The following ZBTB18 variants were observed in gnomAD, a reference collection of about 807,000 sequenced individuals.
ZBTB18 encodes the protein zinc finger and BTB domain-containing protein 18.
A neutral mutation model predicts 37.7 loss-of-function variants in ZBTB18; 2 were observed. That is an observed-to-expected ratio of 0.05 (90% CI 0.02 to 0.17). ZBTB18 has a LOEUF of 0.17. ZBTB18 is among the 10% of genes least tolerant of loss of function. The pLI is 1.00. For missense variants in ZBTB18, 408 were observed against 686.3 expected (o/e 0.59, Z 4.53); for synonymous variants, 304 against 276.5 (o/e 1.10, Z -0.99).
At chr1:244,048,647 C>T (rs1470674509), upstream of ZBTB18, among the ~76,000 whole-genome samples, 2 of 147,854 alleles carry the variant, frequency 1.4e-5, no homozygotes, top group East Asian at 2.0e-4. Flanking sequence ...CCGCCCCCGC[C>T]CCCCCACCCG....
At chr1:244,048,628 G>GCCCCCCCCCCCCCCCCCCCCCCC (rs1325001619), upstream of ZBTB18, among the ~76,000 whole-genome samples, 63 of 79,480 alleles carry the variant, frequency 7.9e-4, 7 homozygotes, top group Non-Finnish European at 1.2e-3. Context: ...CCCCGCGCCC[G>GCCCCCCCCCCCCCCCCCCCCCCC]CCCCCCCCCC....
intron 1 of ZBTB18, among the ~76,000 whole-genome samples, chr1:244,052,546 C>G (rs1343944898): frequency 6.6e-6 from 1 of 152,174 alleles, no homozygotes. Flanking sequence ...AGGCTTGCTT[C>G]TGGTCACAGG....
chr1:244,055,004 C>T lies in ZBTB18; in HGVS notation c.1230C>T (p.Ser410=). The T allele has an allele frequency of 5.6e-6, 9 of 1,614,136 alleles. No individual in the cohort carries two copies. Among genetic ancestry groups the T allele is most frequent in the Non-Finnish European group, 7.6e-6 (9 of 1,180,038 alleles). ...THFREQDGIR[S]KPAADVNVPT... ...TCCGCGAGCAGGACGGCATCCGCAG[C>T]AAGCCCGCCGCCGATGTCAACGTGC... Residue 410 remains serine (S), a synonymous_variant, in exon 2 of 2, where the codon AGC becomes AGT. Transcript: ENST00000358704. This position sits in a 1 kb window ranked among gnomAD's most constrained non-coding sequence, Gnocchi z 7.0.
In ZBTB18 at chr1:244,056,893, T is replaced by C. The variant is rs1698484979; in HGVS notation, c.*1523T>C. On this transcript the variant is annotated 3_prime_UTR_variant, in exon 2 of 2. Coordinates refer to ENST00000358704, the MANE Select transcript of ZBTB18 (RefSeq NM_205768.3). ...GTCTTGCACTTACAAATAAGGTCTATGGGAGTAGCATGGAAAACGTTTGCT... is the reference window on the plus strand; with the variant it reads ...GTCTTGCACTTACAAATAAGGTCTACGGGAGTAGCATGGAAAACGTTTGCT... 6.0e-6 allele frequency: 1 copy of C among 167,084 alleles called. No homozygotes were observed. The highest frequency in any genetic ancestry group is 1.5e-5 in the Non-Finnish European group (1 of 68,132). The allele number at this position is 167,084 out of a possible 1,614,324, so 10.4% of individuals were successfully genotyped here.
chr1:244,052,492 G>C (rs1353834231), intron 1 of ZBTB18, among the ~76,000 whole-genome samples: 3 of 152,232 alleles, frequency 2.0e-5, no homozygotes, highest in Admixed American at 6.5e-5. Context: ...ATTAAATTAA[G>C]TGTATCTATT....
Position 244,054,407 on chromosome 1 carries a change from G to A in ZBTB18, c.633G>A (p.Glu211=), listed in dbSNP as rs1196258808. 1.2e-6 allele frequency: 2 copies of A among 1,614,060 alleles called. No individual in the cohort carries two copies. The highest frequency in any genetic ancestry group is 1.3e-5 in the African/African-American group (1 of 74,934). ...TCCCCCAGGCTGGCGGAGAGGCAGA[G>A]CCACACGCCACAGCAGCTGGAAAAA... ...AGIPQAGGEA[E]PHATAAGKTV... is the part of the protein sequence containing the mutation. Residue 211 remains glutamate, a synonymous_variant, in exon 2 of 2, where the codon GAG becomes GAA. Transcript: ENST00000358704. This position sits in a 1 kb window ranked among gnomAD's most constrained non-coding sequence, Gnocchi z 9.0.
At position 244,055,542 on chromosome 1, in the gene ZBTB18, T is replaced by C. The variant is rs1405726706; in HGVS notation, c.*172T>C. Reference sequence around the variant, plus strand: ...GAATCTCACTAATTTAGCATTCTGATAAAAGAAACTTTAGAGCAAGTCAGA... The same window carrying C: ...GAATCTCACTAATTTAGCATTCTGACAAAAGAAACTTTAGAGCAAGTCAGA... On this transcript the variant is annotated 3_prime_UTR_variant, in exon 2 of 2. Transcript: ENST00000358704. This position sits in a 1 kb window ranked among gnomAD's most constrained non-coding sequence, Gnocchi z 7.0. The C allele has an allele frequency of 5.3e-6, 1 of 189,214 alleles. No homozygotes were observed. Among genetic ancestry groups the C allele is most frequent in the Non-Finnish European group, 1.2e-5 (1 of 85,646 alleles). The allele number at this position is 189,214 out of a possible 1,614,324, so 11.7% of individuals were successfully genotyped here. A position where few individuals can be genotyped will look rare whatever the true frequency, so the allele number is the denominator to read the frequency against.
chr1:244,055,361 T>A lies in ZBTB18; in HGVS notation c.1587T>A (p.Leu529=). Residue 529 remains leucine (L), a synonymous_variant, in exon 2 of 2, where the codon CTT becomes CTA. Coordinates refer to ENST00000358704, the MANE Select transcript of ZBTB18 (RefSeq NM_205768.3). This position sits in a 1 kb window ranked among gnomAD's most constrained non-coding sequence, Gnocchi z 7.0. ...CCTTAGAAGATAGCTCTCAAGAACTTTGGAAATAATTTTATATATATATAA... is the reference window on the plus strand; with the variant it reads ...CCTTAGAAGATAGCTCTCAAGAACTATGGAAATAATTTTATATATATATAA... ...DWTLEDSSQE[L]WK 1 of 1,348,484 alleles carries A rather than the reference T, an allele frequency of 7.4e-7. No individual in the cohort carries two copies. The highest frequency in any genetic ancestry group is 2.5e-5 in the East Asian group (1 of 39,340). 83.5% of individuals were successfully genotyped at this position (1,348,484 alleles called of 1,614,324 possible).
upstream of ZBTB18, among the ~76,000 whole-genome samples, chr1:244,050,492 T>A (rs1698327356): frequency 7.2e-6 from 1 of 138,658 alleles, no homozygotes; most frequent in Non-Finnish European, 1.5e-5. Context: ...GAAGGCAAGG[T>A]TCTGCTTTTT....
At chr1:244,048,893 G>A (rs1380891589), upstream of ZBTB18, 1 of 159,688 alleles carries the variant, frequency 6.3e-6, no homozygotes, top group Non-Finnish European at 1.3e-5. Context: ...GCCGGAGGAA[G>A]CCCACCAAGT....
In ZBTB18 at chr1:244,054,553, T is replaced by G. The variant is rs149523952; in HGVS notation, c.779T>G (p.Val260Gly). Residue 260 changes from valine to glycine, a missense_variant, in exon 2 of 2, where the codon GTT becomes GGT. Physicochemically the swap from Val to Gly is moderately radical, Grantham distance 109 (BLOSUM62 -3). Transcript: ENST00000358704. The surrounding 1 kb of genome is among the most constrained non-coding windows in gnomAD (Gnocchi z 9.0). ...TCTGTCAAGTCCAGCCTTTCAGGAGTTGAAAATCTGAACAGCTCTTATTTC... is the reference window on the plus strand; with the variant it reads ...TCTGTCAAGTCCAGCCTTTCAGGAGGTGAAAATCTGAACAGCTCTTATTTC... ...DLSVKSSLSGVENLNSSYFSS... is the reference protein window; with the variant it reads ...DLSVKSSLSGGENLNSSYFSS... The G allele has an allele frequency of 6.2e-7, 1 of 1,613,998 alleles. No individual in the cohort carries two copies. The highest frequency in any genetic ancestry group is 8.5e-7 in the Non-Finnish European group (1 of 1,179,982).
upstream of ZBTB18, among the ~76,000 whole-genome samples, chr1:244,050,374 C>G (rs1698322722): frequency 6.6e-6 from 1 of 151,608 alleles, no homozygotes; most frequent in South Asian, 2.1e-4. Context: ...AGTTCTCAAA[C>G]TTACTAGACC....
upstream of ZBTB18, among the ~76,000 whole-genome samples, chr1:244,049,705 G>A (rs898927941): frequency 1.3e-5 from 2 of 152,130 alleles, no homozygotes; most frequent in African/African-American, 2.4e-5. Context: ...CTCTTTCCCC[G>A]TGTGTTTTAT....
chr1:244,056,114 A>G lies in ZBTB18; in HGVS notation c.*744A>G, dbSNP rs1698463131. The G allele has an allele frequency of 6.0e-6, 1 of 167,124 alleles. No homozygotes were observed. The highest frequency in any genetic ancestry group is 6.5e-5 in the Admixed American group (1 of 15,290). 10.4% of individuals were successfully genotyped at this position (167,124 alleles called of 1,614,324 possible). A position where few individuals can be genotyped will look rare whatever the true frequency, so the allele number is the denominator to read the frequency against. ...CTGGGGGGGTGTCAAAGAACTTGAC[A>G]GGTTGTGTTGATGCTCTTAGTTGAG... On this transcript the variant is annotated 3_prime_UTR_variant, in exon 2 of 2. Coordinates refer to ENST00000358704, the MANE Select transcript of ZBTB18 (RefSeq NM_205768.3).
In ZBTB18 at chr1:244,053,359, A is replaced by G. The variant is rs1252509950; in HGVS notation, c.14-429A>G. ...TTGAACAAGTTTTCTTGTATGTTCC[A>G]GGATATGTTTGGGACTTTTCTTTGT... On this transcript the variant is annotated intron_variant, in intron 1 of 1. Coordinates refer to ENST00000358704, the MANE Select transcript of ZBTB18 (RefSeq NM_205768.3). This position sits in a 1 kb window ranked among gnomAD's most constrained non-coding sequence, Gnocchi z 5.2. 6.6e-6 allele frequency among the ~76,000 whole-genome samples: 1 copy of G among 152,208 alleles called. No homozygotes were observed. The highest frequency in any genetic ancestry group is 2.4e-5 in the African/African-American group (1 of 41,454).
rs1698471808 is a variant in ZBTB18 at position 244,056,488 on chromosome 1, C to T, written c.*1118C>T. ...TGCAGTGTGCATTTATAACAAACTT[C>T]TAATTGCACAAAACCCATGCCAGCT... On this transcript the variant is annotated 3_prime_UTR_variant, in exon 2 of 2. Transcript: ENST00000358704. The T allele has an allele frequency of 6.0e-6, 1 of 167,110 alleles. No homozygotes were observed. Among genetic ancestry groups the T allele is most frequent in the Non-Finnish European group, 1.5e-5 (1 of 68,126 alleles). The allele number at this position is 167,110 out of a possible 1,614,324, so 10.4% of individuals were successfully genotyped here. A position where few individuals can be genotyped will look rare whatever the true frequency, so the allele number is the denominator to read the frequency against.
rs1698349812 is a variant in ZBTB18 at position 244,051,438 on chromosome 1, C to A, written c.7C>A (p.Pro3Thr). The A allele has an allele frequency of 1.1e-5, 17 of 1,613,866 alleles. No individual in the cohort carries two copies. Among genetic ancestry groups the A allele is most frequent in the Non-Finnish European group, 1.4e-5 (16 of 1,179,966 alleles). The change falls in exon 1 of 2, where the codon CCT (proline) becomes ACT (threonine). Residue 3 changes from proline (P) to threonine (T), a missense_variant. This residue lies in a region of ZBTB18 where 95 missense variants were observed against 218.7 expected (regional missense o/e 0.43). Transcript: ENST00000358704. ...AAAGGACTTAATCAGGTTTATGTGT[C>A]CTAAAGGTAGGAGTAGCAAGAGATT... is the stretch of plus-strand genomic sequence containing the variant. MC[P>T]KGYEDSMEFP... is the part of the protein sequence containing the mutation.
At chr1:244,049,122 T>G (rs1476671436), upstream of ZBTB18, 2 of 135,618 alleles carry the variant, frequency 1.5e-5, no homozygotes, top group Admixed American at 1.4e-4. Flanking sequence ...GCGGGCCGGG[T>G]CGGGGGCGCC....
Position 244,055,117 on chromosome 1 carries a change from C to T in ZBTB18, c.1343C>T (p.Thr448Ile). 6.2e-7 allele frequency: 1 copy of T among 1,614,214 alleles called. No homozygotes were observed. Among genetic ancestry groups the T allele is most frequent in the Non-Finnish European group, 8.5e-7 (1 of 1,180,046 alleles). The change falls in exon 2 of 2, where the codon ACA (threonine) becomes ATA (isoleucine). Residue 448 changes from threonine (T) to isoleucine (I), a missense_variant. By Grantham distance (89) the Thr-to-Ile change is moderately conservative. Coordinates refer to ENST00000358704, the MANE Select transcript of ZBTB18 (RefSeq NM_205768.3). The surrounding 1 kb of genome is among the most constrained non-coding windows in gnomAD (Gnocchi z 7.0). ...ACTCACTCGGGGGAGAAGCCCTACA[C>T]ATGCACCCAGTGCGGCAAGAGCTTC... ...ERTHSGEKPY[T>I]CTQCGKSFQY...
Sources: gnomAD v4.1 joint callset for allele counts (sites outside exome capture counted in the v4.1 genomes callset) on GRCh38, gnomAD v4.1.1 for gene constraint, gnomAD v4.1.1 regional missense constraint, Gnocchi (gnomAD v3.1) non-coding constraint, MANE v1.5 for transcripts, NCBI Gene and HGNC (gene_info 2026-07-23, HGNC 2026-07-21) for gene names.